INTS13: variants seen among roughly 807,000 people sequenced by gnomAD.
The protein encoded by INTS13 is integrator complex subunit 13, also known as asunder, spermatogenesis regulator homolog (Drosphila).
In INTS13, 35 loss-of-function variants were observed where a neutral mutation model predicts 90.2. The observed-to-expected ratio is 0.39, with a 90% CI of 0.30 to 0.51. INTS13 has a LOEUF of 0.51. INTS13 is among the 20% of genes least tolerant of loss of function. The probability of loss-of-function intolerance (pLI) is 0.80; values close to 1 mark genes in which losing one functional copy is unlikely to be tolerated. For missense variants in INTS13, 601 were observed against 851.2 expected (o/e 0.71, Z 3.66); for synonymous variants, 309 against 277.1 (o/e 1.11, Z -1.14).
intron 15 of INTS13, among the ~76,000 whole-genome samples, chr12:26,906,975 C>T (rs1951630831): frequency 6.6e-6 from 1 of 152,134 alleles, no homozygotes; most frequent in African/African-American, 2.4e-5. Flanking sequence ...GACCAAAGTT[C>T]CAGACTTTCA....
At chr12:26,935,306 T>C (rs935069339) in intron 2 of INTS13, among the ~76,000 whole-genome samples, 5 of 152,228 alleles carry the variant, frequency 3.3e-5, no homozygotes, top group African/African-American at 1.2e-4. Context: ...TTTGGAAAAC[T>C]TATCAAATGA....
chr12:26,915,727 AAT>A (rs1053187636), intron 11 of INTS13, among the ~76,000 whole-genome samples: 3 of 152,250 alleles, frequency 2.0e-5, no homozygotes, highest in Non-Finnish European at 4.4e-5. Context: ...TTTCACCTAA[AAT>A]ATTAGTTCAA....
At chr12:26,934,726 C>A in intron 2 of INTS13, 96 bp from the exon 3 acceptor site, 1 of 889,670 alleles carries the variant, frequency 1.1e-6, no homozygotes. Flanking sequence ...CACTGTTTCA[C>A]TGATTCATTC....
chr12:26,932,749 T>C (rs1257896734), intron 3 of INTS13, among the ~76,000 whole-genome samples: 1 of 150,690 alleles, frequency 6.6e-6, no homozygotes, highest in East Asian at 2.0e-4. Context: ...AACCAAGTTG[T>C]CATACAGATA....
intron 15 of INTS13, among the ~76,000 whole-genome samples, chr12:26,910,272 T>C (rs1951733823): frequency 6.6e-6 from 1 of 152,340 alleles, no homozygotes; most frequent in East Asian, 1.9e-4. Context: ...CTTACTATAG[T>C]ATCAGGAACA....
In INTS13 at chr12:26,924,387, C is replaced by A. The variant is rs866585003; in HGVS notation, c.772G>T (p.Ala258Ser). The A allele has an allele frequency of 6.2e-7, 1 of 1,612,732 alleles. No individual in the cohort carries two copies. Among genetic ancestry groups the A allele is most frequent in the Non-Finnish European group, 8.5e-7 (1 of 1,179,240 alleles). The change falls in exon 7 of 17, where the codon GCT becomes TCT. Residue 258 changes from alanine (A) to serine (S), a missense_variant. Coordinates refer to ENST00000261191, the MANE Select transcript of INTS13 (RefSeq NM_018164.3). Reference protein sequence around the residue: ...NILVQQHFDLASTTITNIPMK... With the variant: ...NILVQQHFDLSSTTITNIPMK... ...GGAATATTTGTAATAGTAGTTGAAG[C>A]CAAGTCAAAATGTTGCTGTACTAAA...
chr12:26,909,229 C>T (rs1951701973), intron 15 of INTS13, among the ~76,000 whole-genome samples: 1 of 152,088 alleles, frequency 6.6e-6, no homozygotes, highest in Non-Finnish European at 1.5e-5. Flanking sequence ...GGTGTGGTGG[C>T]AGGCACCTAT....
chr12:26,922,629 A>G lies in INTS13; in HGVS notation c.876T>C (p.Asp292=). The change falls in exon 8 of 17, where the codon GAT becomes GAC. Residue 292 remains aspartate, a synonymous_variant. Transcript: ENST00000261191. ...AATGTCTCTTACCACTTTTCAGGAAATCTACATGTGCATCTTTGTGATGAA... is the reference window on the plus strand; with the variant it reads ...AATGTCTCTTACCACTTTTCAGGAAGTCTACATGTGCATCTTTGTGATGAA... ...ELLHHKDAHV[D]FLKSGDSHLG... 1 of 1,581,058 alleles carries G rather than the reference A, an allele frequency of 6.3e-7. No individual in the cohort carries two copies. Among genetic ancestry groups the G allele is most frequent in the Non-Finnish European group, 8.6e-7 (1 of 1,163,108 alleles).
intron 10 of INTS13, 105 bp from the exon 11 acceptor site, chr12:26,916,285 G>A (rs749552071): frequency 7.8e-5 from 82 of 1,046,098 alleles, no homozygotes; most frequent in Non-Finnish European, 9.2e-5. Context: ...ATTGATCCCC[G>A]TATTTTAACC....
chr12:26,933,310 T>C (rs1938298605), intron 3 of INTS13, among the ~76,000 whole-genome samples: 1 of 151,976 alleles, frequency 6.6e-6, no homozygotes, highest in South Asian at 2.1e-4. Flanking sequence ...AATGAAACAA[T>C]GCAGGGGAAA....
At chr12:26,923,374 A>T (rs1937689781) in intron 7 of INTS13, among the ~76,000 whole-genome samples, 1 of 152,190 alleles carries the variant, frequency 6.6e-6, no homozygotes, top group Non-Finnish European at 1.5e-5. Context: ...GGTAAGCCTA[A>T]CATTTGTAGT....
chr12:26,930,067 A>C (rs1938108945), intron 3 of INTS13, among the ~76,000 whole-genome samples: 1 of 152,216 alleles, frequency 6.6e-6, no homozygotes, highest in Non-Finnish European at 1.5e-5. Context: ...ATCCCACTTA[A>C]AACAGCATCA....
chr12:26,908,207 G>C (rs930967876), intron 15 of INTS13, among the ~76,000 whole-genome samples: 3 of 152,120 alleles, frequency 2.0e-5, no homozygotes, highest in Admixed American at 6.5e-5. Context: ...GATGACTACA[G>C]GGATTGAGGA....
At chr12:26,907,822 A>G (rs959237396) in intron 15 of INTS13, among the ~76,000 whole-genome samples, 2 of 152,228 alleles carry the variant, frequency 1.3e-5, no homozygotes, top group Non-Finnish European at 2.9e-5. Context: ...GCAAAGGAAA[A>G]GAGTTTTACC....
chr12:26,909,099 G>A (rs555853357), intron 15 of INTS13, among the ~76,000 whole-genome samples: 1 of 152,298 alleles, frequency 6.6e-6, no homozygotes, highest in Admixed American at 6.5e-5. Context: ...AGGGACTCAT[G>A]CCTGTAATCC....
chr12:26,931,422 C>G (rs1404961734), intron 3 of INTS13, among the ~76,000 whole-genome samples: 1 of 150,612 alleles, frequency 6.6e-6, no homozygotes, highest in African/African-American at 2.5e-5. Context: ...CCAGCCTGGG[C>G]AACAGAGCGA....
At chr12:26,936,040 C>T (rs1938440248) in intron 2 of INTS13, among the ~76,000 whole-genome samples, 1 of 152,166 alleles carries the variant, frequency 6.6e-6, no homozygotes, top group African/African-American at 2.4e-5. Context: ...AACAATACAG[C>T]AGTTTAGTAT....
At chr12:26,912,114 A>G (rs987166445) in intron 14 of INTS13, among the ~76,000 whole-genome samples, 1 of 152,012 alleles carries the variant, frequency 6.6e-6, no homozygotes, top group Non-Finnish European at 1.5e-5. Flanking sequence ...CTTTTGCTAC[A>G]TATGTTTGAA....
intron 8 of INTS13, 68 bp downstream of exon 8, chr12:26,922,548 G>T: frequency 8.3e-7 from 1 of 1,200,872 alleles, no homozygotes; most frequent in Non-Finnish European, 1.2e-6. Context: ...CCCTGAGGAT[G>T]TGGGGGCTAC....
Sources: allele counts gnomAD v4.1 joint callset (sites outside exome capture counted in the v4.1 genomes callset), GRCh38; gene constraint gnomAD v4.1.1; transcripts MANE v1.5; gene names NCBI Gene and HGNC (gene_info 2026-07-23, HGNC 2026-07-21).